Variants in CPHXL2 observed in about 807,000 individuals in gnomAD.
The protein encoded by CPHXL2 is cytoplasmic polyadenylated homeobox-like protein 2.
chr16:75,673,984 AAAAAAAAAAAGAT>A, the CPHXL2 span, among the ~76,000 whole-genome samples: 22 of 150,370 alleles, frequency 1.5e-4, no homozygotes, highest in South Asian at 1.3e-3. Context: ...CGTCTTAAAA[AAAAAAAAAAAGAT>A]AAAAAAAAAA....
At chr16:75,665,222 G>C in the CPHXL2 span, among the ~76,000 whole-genome samples, 344 of 152,302 alleles carry the variant, frequency 2.3e-3, 2 homozygotes, top group African/African-American at 7.8e-3. Flanking sequence ...AGAATCTTAA[G>C]AGCCATGAGA....
chr16:75,666,871 A>G, the CPHXL2 span, among the ~76,000 whole-genome samples: 3 of 152,256 alleles, frequency 2.0e-5, no homozygotes, highest in Admixed American at 2.0e-4. Flanking sequence ...CTGAAATTAT[A>G]TAAAGGACTC....
At chr16:75,675,064 C>A in the CPHXL2 span, among the ~76,000 whole-genome samples, 1 of 150,864 alleles carries the variant, frequency 6.6e-6, no homozygotes, top group Non-Finnish European at 1.5e-5. Context: ...TGGTGGGCAC[C>A]TGTAGTCACA....
chr16:75,673,075 CA>C, the CPHXL2 span, among the ~76,000 whole-genome samples: 157 of 73,176 alleles, frequency 2.1e-3, no homozygotes, highest in South Asian at 0.019. Flanking sequence ...GACCTTGTCT[CA>C]AAAAAAAAAA....
At chr16:75,672,310 T>C in the CPHXL2 span, among the ~76,000 whole-genome samples, 2 of 151,788 alleles carry the variant, frequency 1.3e-5, no homozygotes, top group Non-Finnish European at 2.9e-5. Context: ...TTGATTGGCA[T>C]TGGTTTACAA....
the CPHXL2 span, among the ~76,000 whole-genome samples, chr16:75,662,904 T>C: frequency 6.6e-6 from 1 of 151,926 alleles, no homozygotes; most frequent in South Asian, 2.1e-4. Context: ...GTTCATGCTA[T>C]TCTTCTGCCT....
At chr16:75,670,055 C>T in the CPHXL2 span, among the ~76,000 whole-genome samples, 5 of 152,080 alleles carry the variant, frequency 3.3e-5, no homozygotes, top group Admixed American at 6.6e-5. Flanking sequence ...GCTGGGATTA[C>T]AGGCACCTGC....
the CPHXL2 span, among the ~76,000 whole-genome samples, chr16:75,664,078 A>T: frequency 6.6e-6 from 1 of 152,252 alleles, no homozygotes; most frequent in African/African-American, 2.4e-5. Flanking sequence ...CCAATCAGAA[A>T]ATCTCTGAAT....
At chr16:75,667,610 C>T in the CPHXL2 span, among the ~76,000 whole-genome samples, 12 of 152,322 alleles carry the variant, frequency 7.9e-5, no homozygotes, top group South Asian at 2.5e-3. Flanking sequence ...AATATTGGTT[C>T]ATGCAGCAGA....
the CPHXL2 span, chr16:75,660,632 T>C: frequency 5.0e-6 from 2 of 398,564 alleles, no homozygotes; most frequent in East Asian, 7.1e-5. Flanking sequence ...CTTGCAGCAG[T>C]GAGAGACAGA....
At chr16:75,674,372 C>CAAAAA in the CPHXL2 span, among the ~76,000 whole-genome samples, 72 of 53,130 alleles carry the variant, frequency 1.4e-3, 3 homozygotes, top group African/African-American at 2.0e-3. Context: ...GACTCCGTCT[C>CAAAAA]AAAAAAAAAA....
the CPHXL2 span, among the ~76,000 whole-genome samples, chr16:75,665,835 A>G: frequency 2.0e-5 from 3 of 152,224 alleles, no homozygotes; most frequent in African/African-American, 7.2e-5. Flanking sequence ...ACTGCACTCC[A>G]GCCTGGGCAA....
At chr16:75,668,449 A>G in the CPHXL2 span, among the ~76,000 whole-genome samples, 15 of 152,142 alleles carry the variant, frequency 9.9e-5, no homozygotes, top group African/African-American at 2.6e-4. Context: ...GGCTGGTCTC[A>G]AACTCCTGAC....
chr16:75,666,603 T>C, the CPHXL2 span, among the ~76,000 whole-genome samples: 3 of 107,098 alleles, frequency 2.8e-5, no homozygotes, highest in Admixed American at 1.2e-4. Flanking sequence ...AGTGAAACTC[T>C]ATCTCAAAAA....
At chr16:75,673,099 CA>C in the CPHXL2 span, among the ~76,000 whole-genome samples, 3 of 95,454 alleles carry the variant, frequency 3.1e-5, no homozygotes, top group Non-Finnish European at 6.4e-5. Context: ...AAAAAAAAGA[CA>C]AAAAAAAGAA....
chr16:75,670,152 G>A, the CPHXL2 span, among the ~76,000 whole-genome samples: 1 of 152,188 alleles, frequency 6.6e-6, no homozygotes, highest in African/African-American at 2.4e-5. Context: ...CTGACCTTGT[G>A]ATTTGCCTGC....
chr16:75,660,392 T>G, the CPHXL2 span: 1 of 398,470 alleles, frequency 2.5e-6, no homozygotes, highest in Non-Finnish European at 4.4e-6. Context: ...GCAGCAGGGG[T>G]GAGTTGGCAG....
At chr16:75,676,705 A>G in the CPHXL2 span, among the ~76,000 whole-genome samples, 1 of 152,104 alleles carries the variant, frequency 6.6e-6, no homozygotes, top group Admixed American at 6.6e-5. Context: ...CTTCCCCCCA[A>G]GATTTTTTAC....
chr16:75,669,315 T>TAAAA, the CPHXL2 span: 3 of 371,616 alleles, frequency 8.1e-6, no homozygotes, highest in African/African-American at 2.2e-5. Flanking sequence ...AGACCTTTCC[T>TAAAA]AAAAAAAAAA....
Sources: gnomAD v4.1 joint callset for allele counts (sites outside exome capture counted in the v4.1 genomes callset) on GRCh38, gnomAD v4.1.1 for gene constraint, MANE v1.5 for transcripts, NCBI Gene and HGNC (gene_info 2026-07-23, HGNC 2026-07-21) for gene names.